Variants in SPARCL1 observed in about 807,000 individuals in gnomAD.
SPARCL1 encodes the protein SPARC-like protein 1.
A neutral mutation model predicts 67.1 loss-of-function variants in SPARCL1; 52 were observed. The observed-to-expected ratio is 0.78, with a 90% CI of 0.62 to 0.98. The LOEUF is 0.98. SPARCL1 is among the 50% of genes least tolerant of loss of function. The pLI, the probability that SPARCL1 is intolerant of heterozygous loss-of-function variation, is 0.00. For synonymous variants in SPARCL1, 226 were observed against 267.8 expected (o/e 0.84, Z 1.52); for missense variants, 717 against 782.4 (o/e 0.92, Z 1.00).
At chr4:87,483,391 C>T (rs1723912212) in intron 7 of SPARCL1, among the ~76,000 whole-genome samples, 1 of 152,178 alleles carries the variant, frequency 6.6e-6, no homozygotes, top group Admixed American at 6.5e-5. Flanking sequence ...CCAGCTTCAT[C>T]CATGTCTCTG....
At chr4:87,490,170 C>T in intron 7 of SPARCL1, 103 bp downstream of exon 7, 1 of 1,272,598 alleles carries the variant, frequency 7.9e-7, no homozygotes. Flanking sequence ...GTGTTCAGAA[C>T]TACATCAGCT....
intron 1 of SPARCL1, chr4:87,528,646 AATT>A (rs1726151990): frequency 6.6e-6 from 1 of 152,166 alleles, no homozygotes; most frequent in Non-Finnish European, 1.5e-5. Flanking sequence ...AAAACATACA[AATT>A]ATTTGATTTG....
rs1491027457 is a variant in SPARCL1 at position 87,503,680 on chromosome 4, TTC to T, written c.-11-4097_-11-4096del. On this transcript the variant is annotated intron_variant, in intron 1 of 10. Transcript: ENST00000282470. ...AACTCAGCAAATGAAGTTTTTTTTT[TTC>T]CTTTTTTTTTTTTTAATACAGAGTC... Among the ~76,000 whole-genome samples, 202 of 119,098 alleles carry T rather than the reference TTC, an allele frequency of 1.7e-3. 3 individuals carry two copies. The South Asian group carries it at 0.02, about 12-fold the overall frequency. 78.1% of individuals were successfully genotyped at this position (119,098 alleles called of 152,430 possible). A position where few individuals can be genotyped will look rare whatever the true frequency, so the allele number is the denominator to read the frequency against.
intron 1 of SPARCL1, among the ~76,000 whole-genome samples, chr4:87,527,346 A>G (rs1726090734): frequency 6.6e-6 from 1 of 152,076 alleles, no homozygotes; most frequent in Non-Finnish European, 1.5e-5. Context: ...AGATCATTCT[A>G]GAGGGATAAG....
intron 1 of SPARCL1, among the ~76,000 whole-genome samples, chr4:87,506,064 GC>G (rs1174897162): frequency 3.9e-5 from 6 of 152,178 alleles, no homozygotes; most frequent in Non-Finnish European, 7.4e-5. Context: ...TCAGTAGCGA[GC>G]CCCCATCCCC....
At chr4:87,479,703 A>AT in intron 9 of SPARCL1, 125 bp from the exon 10 acceptor site, 1 of 828,970 alleles carries the variant, frequency 1.2e-6, no homozygotes, top group Non-Finnish European at 1.9e-6. Context: ...TAGAATACAG[A>AT]TAAAAACTGC....
At position 87,512,821 on chromosome 4, in the gene SPARCL1, T is replaced by C. The variant is rs1262599389; in HGVS notation, c.-11-13236A>G. Among the ~76,000 whole-genome samples the C allele has an allele frequency of 2.0e-5, 3 of 152,256 alleles. No homozygotes were observed. The East Asian group carries it at 5.8e-4, about 29-fold the overall frequency. ...CAAAACAGACCAGTTGCCAAAACCATTAGCAAGACAATATTTCATAACAAT... is the reference window on the plus strand; with the variant it reads ...CAAAACAGACCAGTTGCCAAAACCACTAGCAAGACAATATTTCATAACAAT... On this transcript the variant is annotated intron_variant, in intron 1 of 10. Coordinates refer to ENST00000282470, the MANE Select transcript of SPARCL1 (RefSeq NM_004684.6).
At chr4:87,520,042 C>G (rs1169251697) in intron 1 of SPARCL1, among the ~76,000 whole-genome samples, 3 of 151,986 alleles carry the variant, frequency 2.0e-5, no homozygotes, top group African/African-American at 7.3e-5. Flanking sequence ...AAGTTCAAGA[C>G]CAGCCCAGCC....
At chr4:87,526,122 T>G (rs1429807158) in intron 1 of SPARCL1, among the ~76,000 whole-genome samples, 1 of 152,162 alleles carries the variant, frequency 6.6e-6, no homozygotes, top group East Asian at 1.9e-4. Flanking sequence ...AAAGCAGCAT[T>G]TCTTCTCACT....
At chr4:87,520,071 C>T (rs1404214080) in intron 1 of SPARCL1, among the ~76,000 whole-genome samples, 1 of 151,962 alleles carries the variant, frequency 6.6e-6, no homozygotes, top group Non-Finnish European at 1.5e-5. Flanking sequence ...GAAACCTCAT[C>T]TCTACTAAAA....
chr4:87,485,490 G>A (rs138583212), intron 7 of SPARCL1, among the ~76,000 whole-genome samples: 2,644 of 151,502 alleles, frequency 0.017, 40 homozygotes, highest in Admixed American at 0.034. Flanking sequence ...GAGGATTTTC[G>A]CATCCATGTT....
rs1724543023 is a variant in SPARCL1, at chr4:87,494,671, A to T, written c.202-73T>A. On this transcript the variant is annotated intron_variant, in intron 3 of 10. Coordinates refer to ENST00000282470, the MANE Select transcript of SPARCL1 (RefSeq NM_004684.6). Reference sequence around the variant, plus strand: ...ATATTTATGCCTAAGGTAACATTTAATATTCATTATTCTTTTTCTTCACAC... The same window carrying T: ...ATATTTATGCCTAAGGTAACATTTATTATTCATTATTCTTTTTCTTCACAC... The T allele has an allele frequency of 2.5e-6, 3 of 1,191,298 alleles. No individual in the cohort carries two copies. In the Admixed American group the frequency reaches 8.0e-5, roughly 32 times the overall value. The allele number at this position is 1,191,298 out of a possible 1,614,324, so 73.8% of individuals were successfully genotyped here.
chr4:87,505,796 C>T (rs1473973426), intron 1 of SPARCL1, among the ~76,000 whole-genome samples: 1 of 150,618 alleles, frequency 6.6e-6, no homozygotes, highest in African/African-American at 2.4e-5. Context: ...TGGCTTCAAG[C>T]ATTCCTCCTA....
Position 87,480,480 on chromosome 4 carries a change from C to G in SPARCL1, c.1709G>C (p.Gly570Ala). ...IYLDEKRLLA[G>A]DHPIDLLLRD... Reference sequence around the variant, plus strand: ...TAAGAGAAGATCAATGGGATGGTCCCCAGCCAAAAGCCTCTTTTCATCCAG... The same window carrying G: ...TAAGAGAAGATCAATGGGATGGTCCGCAGCCAAAAGCCTCTTTTCATCCAG... The change falls in exon 9 of 11, where the codon GGG becomes GCG. Residue 570 changes from glycine to alanine, a missense_variant. Physicochemically the swap from Gly to Ala is moderately conservative, Grantham distance 60. Transcript: ENST00000282470. The G allele has an allele frequency of 6.2e-7, 1 of 1,612,402 alleles. No individual in the cohort carries two copies.
chr4:87,519,416 A>T (rs2110262800), intron 1 of SPARCL1, among the ~76,000 whole-genome samples: 1 of 152,270 alleles, frequency 6.6e-6, no homozygotes, highest in East Asian at 1.9e-4. Flanking sequence ...ACTCAAGTTG[A>T]ATCAAATAAT....
Position 87,494,437 on chromosome 4 carries a change from G to T in SPARCL1, c.363C>A (p.Asp121Glu), listed in dbSNP as rs1300927320. The part of the protein sequence containing the change: ...LEYAPTEGTL[D>E]IKEDMSEPQE... ...GAGGCTCACTCATATCTTCTTTTAT[G>T]TCCAATGTACCTTCAGTTGGTGCAT... Residue 121 changes from aspartate (D) to glutamate (E), a missense_variant, in exon 4 of 11, where the codon GAC becomes GAA. Physicochemically the swap from Asp to Glu is conservative, Grantham distance 45. Transcript: ENST00000282470. 2 of 1,614,002 alleles carry T rather than the reference G, an allele frequency of 1.2e-6. No individual in the cohort carries two copies. The highest frequency in any genetic ancestry group is 1.7e-6 in the Non-Finnish European group (2 of 1,180,006).
chr4:87,505,063 C>T (rs1725018722), intron 1 of SPARCL1: 1 of 152,196 alleles, frequency 6.6e-6, no homozygotes, highest in Non-Finnish European at 1.5e-5. Context: ...AAGCATTAAA[C>T]TGTCAGGAGA....
chr4:87,494,281 A>T lies in SPARCL1; in HGVS notation c.519T>A (p.His173Gln). The T allele has an allele frequency of 6.2e-7, 1 of 1,613,982 alleles. No homozygotes were observed. The highest frequency in any genetic ancestry group is 1.1e-5 in the South Asian group (1 of 91,072). Residue 173 changes from histidine to glutamine, a missense_variant, in exon 4 of 11, where the codon CAT becomes CAA. His to Gln is a conservative substitution (Grantham distance 24). Coordinates refer to ENST00000282470, the MANE Select transcript of SPARCL1 (RefSeq NM_004684.6). ...TATGTTTACTGCTCCTGTTCAACTG[A>T]TGATGTGAATAATTTCTAGGTTGTT... ...NQEQPRNYSH[H>Q]QLNRSSKHSQ...
At chr4:87,474,970 T>C (rs980244149) in intron 10 of SPARCL1, among the ~76,000 whole-genome samples, 22 of 151,818 alleles carry the variant, frequency 1.4e-4, no homozygotes, top group Admixed American at 6.6e-4. Context: ...TCTCGATCTC[T>C]TGAACTCGTG....
Sources: allele counts gnomAD v4.1 joint callset (sites outside exome capture counted in the v4.1 genomes callset), GRCh38; gene constraint gnomAD v4.1.1; transcripts MANE v1.5; gene names NCBI Gene and HGNC (gene_info 2026-07-23, HGNC 2026-07-21).